The following GNG12 variants were observed in gnomAD, a reference collection of about 807,000 sequenced individuals.
GNG12 encodes the protein G protein subunit gamma 12.
For synonymous variants in GNG12, 28 were observed against 29.7 expected, an observed-to-expected ratio of 0.94 and a Z score of 0.19; for missense variants, 69 against 83.8, an observed-to-expected ratio of 0.82 and a Z score of 0.69.
At chr1:67,753,348 A>G (rs570072881) in intron 2 of GNG12, among the ~76,000 whole-genome samples, 2 of 124,868 alleles carry the variant, frequency 1.6e-5, no homozygotes, top group African/African-American at 5.0e-5. Flanking sequence ...AATATTCCAA[A>G]ACCTGAAAAA....
chr1:67,734,722 G>C (rs1557600049), intron 2 of GNG12, among the ~76,000 whole-genome samples: 1 of 152,150 alleles, frequency 6.6e-6, no homozygotes, highest in Non-Finnish European at 1.5e-5. Flanking sequence ...GAACTCCTGA[G>C]CTCCAGCAAT....
chr1:67,715,022 G>A (rs1169577859), intron 2 of GNG12, among the ~76,000 whole-genome samples: 3 of 152,228 alleles, frequency 2.0e-5, no homozygotes, highest in South Asian at 4.1e-4. Context: ...TATTTCAAGC[G>A]GTTCTCCTGC....
chr1:67,828,169 CT>C (rs1310234361), intron 1 of GNG12, among the ~76,000 whole-genome samples: 1 of 152,116 alleles, frequency 6.6e-6, no homozygotes, highest in African/African-American at 2.4e-5. Flanking sequence ...AGGACTGGGC[CT>C]TTGTGTGCGC....
chr1:67,725,201 C>T (rs1019555513), intron 2 of GNG12, among the ~76,000 whole-genome samples: 5 of 152,224 alleles, frequency 3.3e-5, no homozygotes, highest in South Asian at 4.1e-4. Context: ...CTTGGAGGTA[C>T]GCATGAAAAA....
intron 3 of GNG12, 43 bp downstream of exon 3, chr1:67,707,551 G>A: frequency 1.0e-6 from 1 of 999,770 alleles, no homozygotes; most frequent in South Asian, 1.4e-5. Context: ...GGAACAGGGG[G>A]AACTGAGCAG....
At chr1:67,746,204 T>C (rs2100719175) in intron 2 of GNG12, among the ~76,000 whole-genome samples, 1 of 152,316 alleles carries the variant, frequency 6.6e-6, no homozygotes, top group South Asian at 2.1e-4. Context: ...ACAGACTTTC[T>C]AAAGCTGAAT....
chr1:67,788,879 GAC>G, intron 1 of GNG12, among the ~76,000 whole-genome samples: 1 of 152,200 alleles, frequency 6.6e-6, no homozygotes, highest in East Asian at 1.9e-4. Flanking sequence ...GGCAATATCT[GAC>G]AGGCAGAGAG....
chr1:67,783,702 A>C (rs1180077540), intron 1 of GNG12, among the ~76,000 whole-genome samples: 1 of 152,234 alleles, frequency 6.6e-6, no homozygotes, highest in South Asian at 2.1e-4. Context: ...GCAGCCAAAA[A>C]TCACATGAAA....
At chr1:67,705,644 TGAATGCTAGGC>T in intron 3 of GNG12, 68 bp from the exon 4 acceptor site, 1 of 1,541,968 alleles carries the variant, frequency 6.5e-7, no homozygotes, top group South Asian at 1.3e-5. Context: ...AGAGCGTATT[TGAATGCTAGGC>T]TATTGAATGG....
chr1:67,723,261 A>G (rs1646366282), intron 2 of GNG12, among the ~76,000 whole-genome samples: 1 of 152,180 alleles, frequency 6.6e-6, no homozygotes, highest in Admixed American at 6.5e-5. Context: ...GATGGCTTTG[A>G]GCCTTTCTCA....
In GNG12 at chr1:67,704,283, G is replaced by A. The variant is rs1030593260; in HGVS notation, c.*1168C>T. 1 of 152,162 alleles carries A rather than the reference G, an allele frequency of 6.6e-6. No individual in the cohort carries two copies. Among genetic ancestry groups the A allele is most frequent in the Non-Finnish European group, 1.5e-5 (1 of 68,034 alleles). 9.4% of individuals were successfully genotyped at this position (152,162 alleles called of 1,614,324 possible). On this transcript the variant is annotated 3_prime_UTR_variant, in exon 4 of 4. Coordinates refer to ENST00000370982, the MANE Select transcript of GNG12 (RefSeq NM_018841.6). ...ACAAGGTAGGGATGAAACTGCAGAT[G>A]TCTGAAAAGAGCTTAAGCATCCTGA...
chr1:67,791,565 G>A (rs1256246788), intron 1 of GNG12, among the ~76,000 whole-genome samples: 3 of 152,136 alleles, frequency 2.0e-5, no homozygotes, highest in Non-Finnish European at 4.4e-5. Flanking sequence ...CCTTGTTCAA[G>A]TCAAAATCTT....
chr1:67,734,295 A>G (rs1646439017), intron 2 of GNG12, among the ~76,000 whole-genome samples: 2 of 151,976 alleles, frequency 1.3e-5, no homozygotes, highest in South Asian at 4.2e-4. Context: ...GGGTGAGGGC[A>G]TGCTTCTTCT....
intron 2 of GNG12, among the ~76,000 whole-genome samples, chr1:67,767,556 G>C (rs1405415941): frequency 6.6e-6 from 1 of 152,178 alleles, no homozygotes; most frequent in Non-Finnish European, 1.5e-5. Context: ...CCTCCTTCCA[G>C]ACCTCCTTGG....
At chr1:67,799,385 T>A (rs1646851495) in intron 1 of GNG12, among the ~76,000 whole-genome samples, 1 of 152,214 alleles carries the variant, frequency 6.6e-6, no homozygotes, top group Non-Finnish European at 1.5e-5. Flanking sequence ...TTACTGTACT[T>A]AGGATAATAA....
intron 2 of GNG12, among the ~76,000 whole-genome samples, chr1:67,730,777 T>A (rs1184876622): frequency 6.6e-6 from 1 of 152,216 alleles, no homozygotes; most frequent in Non-Finnish European, 1.5e-5. Context: ...TCATCAAATA[T>A]TCCCAATTAA....
At chr1:67,770,263 TACGGTTTCCA>T (rs1422215038) in intron 2 of GNG12, among the ~76,000 whole-genome samples, 1 of 152,228 alleles carries the variant, frequency 6.6e-6, no homozygotes, top group Non-Finnish European at 1.5e-5. Flanking sequence ...CTCTGATTCC[TACGGTTTCCA>T]AGGTGGGTGG....
At chr1:67,785,257 G>A (rs1646761463) in intron 1 of GNG12, among the ~76,000 whole-genome samples, 2 of 151,968 alleles carry the variant, frequency 1.3e-5, no homozygotes, top group South Asian at 4.2e-4. Context: ...TATAACAATG[G>A]CTCACAAAAC....
chr1:67,722,204 T>C (rs1245143209), intron 2 of GNG12, among the ~76,000 whole-genome samples: 1 of 152,070 alleles, frequency 6.6e-6, no homozygotes, highest in Non-Finnish European at 1.5e-5. Context: ...CTGCATCCAT[T>C]TTAGGAGAAG....
Sources: allele counts gnomAD v4.1 joint callset (sites outside exome capture counted in the v4.1 genomes callset), GRCh38; gene constraint gnomAD v4.1.1; transcripts MANE v1.5; gene names NCBI Gene and HGNC (gene_info 2026-07-23, HGNC 2026-07-21).